The following PAX5 variants were observed in gnomAD, a reference collection of about 807,000 sequenced individuals.
The protein encoded by PAX5 is paired box 5, also known as paired box protein Pax-5.
In PAX5, 9 loss-of-function variants were observed where a neutral mutation model predicts 43.7. The observed-to-expected ratio is 0.21, with a 90% CI of 0.12 to 0.36. PAX5 has a LOEUF of 0.36. Among genes scored for constraint, PAX5 ranks in the 10% least tolerant of loss-of-function variants. The pLI is 1.00. For synonymous variants in PAX5, 228 were observed against 214.3 expected (o/e 1.06, Z -0.56); for missense variants, 383 against 532.7 (o/e 0.72, Z 2.77).
At chr9:36,998,598 T>TA (rs1837595450) in intron 5 of PAX5, among the ~76,000 whole-genome samples, 1 of 152,248 alleles carries the variant, frequency 6.6e-6, no homozygotes, top group Non-Finnish European at 1.5e-5. Context: ...GTAGCTACTG[T>TA]GCACTTGAAA....
At chr9:37,026,552 G>A (rs541840076) in intron 1 of PAX5, 4 of 1,335,786 alleles carry the variant, frequency 3.0e-6, no homozygotes, top group South Asian at 2.5e-5. Context: ...ATGCAAACGG[G>A]TCGTGCTTAC....
chr9:37,031,481 T>C (rs1840977724), intron 1 of PAX5, among the ~76,000 whole-genome samples: 1 of 152,132 alleles, frequency 6.6e-6, no homozygotes, highest in Non-Finnish European at 1.5e-5. Flanking sequence ...TCTGCCCGGA[T>C]CTAAGGACTC....
chr9:36,897,172 C>T (rs539294770), intron 7 of PAX5, among the ~76,000 whole-genome samples: 10 of 152,276 alleles, frequency 6.6e-5, no homozygotes, highest in East Asian at 5.8e-4. Flanking sequence ...TGAGCTTCCT[C>T]GGGTCCAGGC....
rs1841302981 is a variant in PAX5, at chr9:37,034,100, T to TTTC, written c.-70_-69insGAA. 5.3e-5 allele frequency: 12 copies of TTTC among 224,704 alleles called. No homozygotes were observed. The highest frequency in any genetic ancestry group is 1.3e-4 in the Admixed American group (2 of 15,788). 13.9% of individuals were successfully genotyped at this position (224,704 alleles called of 1,614,324 possible). On this transcript the variant is annotated 5_prime_UTR_variant, in exon 1 of 10. Coordinates refer to ENST00000358127, the MANE Select transcript of PAX5 (RefSeq NM_016734.3). The stretch of plus-strand genomic sequence containing the variant: ...CACTTTTTTGTGCCTTTTTTTTTCT[T>TTTC]TTTTTTTTTTTTTTTTTTTTTTTTT...
At chr9:36,889,100 G>A (rs1827152779) in intron 7 of PAX5, among the ~76,000 whole-genome samples, 1 of 152,170 alleles carries the variant, frequency 6.6e-6, no homozygotes, top group Non-Finnish European at 1.5e-5. Context: ...CTCTTCTCAT[G>A]GAGAAGTGAG....
At chr9:36,848,158 A>T (rs1033645143) in intron 8 of PAX5, among the ~76,000 whole-genome samples, 1 of 152,046 alleles carries the variant, frequency 6.6e-6, no homozygotes, top group African/African-American at 2.4e-5. Context: ...AGGGTGAGAG[A>T]TTCCAGAACG....
Position 36,882,050 on chromosome 9 carries a change from A to G in PAX5, c.966T>C (p.Ala322=), listed in dbSNP as rs2131763133. ...TCGGTGCTGAGTAGCTGCCCTGTCC[A>G]GCGGGGGGGACGTGTGGAGGGTACC... ...LPGYPPHVPP[A]GQGSYSAPTL... is the part of the protein sequence containing the mutation. Residue 322 remains alanine, a synonymous_variant, in exon 8 of 10, where the codon GCT becomes GCC. Coordinates refer to ENST00000358127, the MANE Select transcript of PAX5 (RefSeq NM_016734.3). This position sits in a 1 kb window ranked among gnomAD's most constrained non-coding sequence, Gnocchi z 4.4. 6.2e-7 allele frequency: 1 copy of G among 1,612,302 alleles called. No homozygotes were observed. The highest frequency in any genetic ancestry group is 8.5e-7 in the Non-Finnish European group (1 of 1,178,866).
rs182369337 is a variant in PAX5 at position 36,965,621 on chromosome 9, T to C, written c.780+928A>G. On this transcript the variant is annotated intron_variant, in intron 6 of 9. Transcript: ENST00000358127. ...GCTTGGACTGACTTTTTGGAGAAGA[T>C]TCAGAAGCATCCTCTAATTAGCATT... Among the ~76,000 whole-genome samples the C allele has an allele frequency of 3.3e-5, 5 of 152,326 alleles. No homozygotes were observed. In the East Asian group the frequency reaches 7.7e-4, roughly 24 times the overall value.
intron 3 of PAX5, among the ~76,000 whole-genome samples, chr9:37,014,121 C>A (rs2132465542): frequency 6.6e-6 from 1 of 152,338 alleles, no homozygotes; most frequent in African/African-American, 2.4e-5. Flanking sequence ...CTCTGAACTT[C>A]ATCCCTGACT....
At chr9:36,861,762 G>A (rs1330330534) in intron 8 of PAX5, among the ~76,000 whole-genome samples, 1 of 151,744 alleles carries the variant, frequency 6.6e-6, no homozygotes, top group East Asian at 1.9e-4. Context: ...AGGGAGGGAA[G>A]TGGGGAGTGG....
intron 3 of PAX5, among the ~76,000 whole-genome samples, chr9:37,011,144 A>AAAAAAAAAAAAAAAG (rs1564074650): frequency 1.4e-5 from 2 of 145,572 alleles, no homozygotes; most frequent in Non-Finnish European, 3.0e-5. Flanking sequence ...AAAAAAAAAA[A>AAAAAAAAAAAAAAAG]AAAGAAAGAG....
chr9:36,919,875 C>T (rs564593703), intron 7 of PAX5, among the ~76,000 whole-genome samples: 7 of 135,574 alleles, frequency 5.2e-5, no homozygotes, highest in African/African-American at 1.9e-4. Flanking sequence ...AAAGAATATA[C>T]GTGATTCATG....
At chr9:36,966,029 A>G (rs548453353) in intron 6 of PAX5, among the ~76,000 whole-genome samples, 22 of 152,330 alleles carry the variant, frequency 1.4e-4, no homozygotes, top group Admixed American at 9.8e-4. Flanking sequence ...GAGTTTGTGC[A>G]ATGAGACATT....
chr9:36,905,518 G>A (rs1828740536), intron 7 of PAX5, among the ~76,000 whole-genome samples: 1 of 152,134 alleles, frequency 6.6e-6, no homozygotes, highest in Non-Finnish European at 1.5e-5. Flanking sequence ...GCAGACTGCC[G>A]CCACCTCTGG....
At chr9:36,859,058 C>T (rs1264478603) in intron 8 of PAX5, among the ~76,000 whole-genome samples, 1 of 152,164 alleles carries the variant, frequency 6.6e-6, no homozygotes, top group Non-Finnish European at 1.5e-5. Context: ...ACAATTACTA[C>T]CAGGACGCTC....
intron 5 of PAX5, among the ~76,000 whole-genome samples, chr9:37,001,826 T>TC (rs1181073906): frequency 1.6e-5 from 2 of 126,684 alleles, no homozygotes; most frequent in Non-Finnish European, 3.5e-5. Flanking sequence ...TTTTTTTTTT[T>TC]TTTTTTTTCT....
At chr9:36,940,188 C>T (rs565833445) in intron 6 of PAX5, among the ~76,000 whole-genome samples, 85 of 152,314 alleles carry the variant, frequency 5.6e-4, no homozygotes, top group African/African-American at 2.0e-3. Flanking sequence ...CTCAATTTTC[C>T]CATTACTGGG....
rs756237395 is a variant in PAX5, at chr9:36,923,400, T to A, written c.865A>T (p.Ile289Phe). ...TGCGGGCCTGGCACACTGCTCCCGA[T>A]GTCAGCAGGGGTGGGGCTGGCCAGA... Reference protein sequence around the residue: ...ANLASPTPADIGSSVPGPQSY... With the variant: ...ANLASPTPADFGSSVPGPQSY... Residue 289 changes from isoleucine to phenylalanine, a missense_variant, in exon 7 of 10, where the codon ATC (isoleucine) becomes TTC (phenylalanine). Ile to Phe is a conservative substitution (Grantham distance 21). Coordinates refer to ENST00000358127, the MANE Select transcript of PAX5 (RefSeq NM_016734.3). 4.3e-6 allele frequency: 7 copies of A among 1,613,430 alleles called. No homozygotes were observed. In the South Asian group the frequency reaches 7.7e-5, roughly 18 times the overall value.
chr9:36,841,687 A>G (rs1190528930), intron 9 of PAX5, among the ~76,000 whole-genome samples: 3 of 152,200 alleles, frequency 2.0e-5, no homozygotes, highest in Non-Finnish European at 2.9e-5. Context: ...AAATGAACCA[A>G]CTTTGCTGAG....
Sources: allele counts gnomAD v4.1 joint callset (sites outside exome capture counted in the v4.1 genomes callset), GRCh38; gene constraint gnomAD v4.1.1; non-coding constraint Gnocchi (gnomAD v3.1); transcripts MANE v1.5; gene names NCBI Gene and HGNC (gene_info 2026-07-23, HGNC 2026-07-21).